The following FBN1 variants were observed in gnomAD, a reference collection of about 807,000 sequenced individuals.
FBN1 encodes the protein fibrillin 1.
In FBN1, 29 loss-of-function variants were observed where a neutral mutation model predicts 365.1. That is an observed-to-expected ratio of 0.08 (90% CI 0.06 to 0.11). FBN1 has a LOEUF of 0.11. Ranked by LOEUF, FBN1 falls within the 10% of genes least tolerant of loss-of-function variation. The pLI is 1.00. For missense variants in FBN1, 2,476 were observed against 3,703.2 expected, an observed-to-expected ratio of 0.67 and a Z score of 8.60; for synonymous variants, 1,210 against 1,270.5, an observed-to-expected ratio of 0.95 and a Z score of 1.01.
chr15:48,492,657 G>T, intron 23 of FBN1, 71 bp from the exon 24 acceptor site: 1 of 1,211,044 alleles, frequency 8.3e-7, no homozygotes, highest in Non-Finnish European at 1.2e-6. Context: ...TACTCATAGA[G>T]TCATAATTAT....
chr15:48,604,288 A>G (rs925141867), intron 4 of FBN1, among the ~76,000 whole-genome samples: 1 of 152,202 alleles, frequency 6.6e-6, no homozygotes, highest in Admixed American at 6.5e-5. Context: ...CAATTTGCAC[A>G]TAAGCATTTG....
chr15:48,464,880 ACT>A (rs1203497906), intron 40 of FBN1, among the ~76,000 whole-genome samples: 1 of 152,298 alleles, frequency 6.6e-6, no homozygotes. Flanking sequence ...TGCCATATAC[ACT>A]GTGATGTTCA....
At chr15:48,422,598 T>G (rs978511966) in intron 60 of FBN1, among the ~76,000 whole-genome samples, 1 of 152,184 alleles carries the variant, frequency 6.6e-6, no homozygotes, top group African/African-American at 2.4e-5. Flanking sequence ...TAAACCAAAA[T>G]TGAGCAATCA....
chr15:48,504,929 T>G, intron 16 of FBN1, 96 bp downstream of exon 16: 1 of 1,502,490 alleles, frequency 6.7e-7, no homozygotes, highest in South Asian at 1.1e-5. Flanking sequence ...TCTTTATATC[T>G]TATCTGCTAC....
chr15:48,644,071 C>CA (rs1319972422), intron 2 of FBN1: 2 of 160,276 alleles, frequency 1.2e-5, no homozygotes, highest in African/African-American at 4.8e-5. Context: ...GTTCTGCTTC[C>CA]AATGTAGACA....
intron 55 of FBN1, 124 bp downstream of exon 55, chr15:48,432,736 ACCCCCG>A: frequency 8.3e-7 from 1 of 1,211,260 alleles, no homozygotes; most frequent in African/African-American, 1.5e-5. Flanking sequence ...GGCAGTGACA[ACCCCCG>A]TATTGTCCAC....
intron 45 of FBN1, among the ~76,000 whole-genome samples, chr15:48,451,472 C>A (rs574286875): frequency 1.3e-5 from 2 of 152,120 alleles, no homozygotes; most frequent in Non-Finnish European, 2.9e-5. Flanking sequence ...ATTCTCAATG[C>A]GATTTTTTTG....
At chr15:48,623,094 G>A (rs1186944083) in intron 2 of FBN1, among the ~76,000 whole-genome samples, 2 of 152,064 alleles carry the variant, frequency 1.3e-5, no homozygotes, top group Non-Finnish European at 2.9e-5. Flanking sequence ...TTCAGGCACA[G>A]AAACAATGTC....
chr15:48,554,746 C>G (rs2044166937), intron 6 of FBN1, among the ~76,000 whole-genome samples: 1 of 152,160 alleles, frequency 6.6e-6, no homozygotes, highest in African/African-American at 2.4e-5. Context: ...AAGCTACATA[C>G]ACACATACAC....
At chr15:48,603,564 AT>A (rs1388645541) in intron 4 of FBN1, among the ~76,000 whole-genome samples, 1 of 152,252 alleles carries the variant, frequency 6.6e-6, no homozygotes, top group East Asian at 1.9e-4. Flanking sequence ...ATTGATGCAT[AT>A]TCTAAATTTA....
At chr15:48,418,941 T>A (rs1000185354) in intron 63 of FBN1, among the ~76,000 whole-genome samples, 4 of 152,128 alleles carry the variant, frequency 2.6e-5, no homozygotes, top group Non-Finnish European at 4.4e-5. Flanking sequence ...ACTCTATCTA[T>A]CTGCAAGCTG....
Position 48,412,653 on chromosome 15 carries a change from A to G in FBN1, c.8142T>C (p.Ala2714=). The G allele has an allele frequency of 6.2e-7, 1 of 1,614,262 alleles. No homozygotes were observed. Among genetic ancestry groups the G allele is most frequent in the Non-Finnish European group, 8.5e-7 (1 of 1,180,034 alleles). The change falls in exon 65 of 66, where the codon GCT becomes GCC. Residue 2714 remains alanine, a synonymous_variant. Transcript: ENST00000316623. Reference sequence around the variant, plus strand: ...AGCCATTGATCTTACACTCGTAACAAGCCTCTGGGGAGAGTGAATTGTCAT... The same window carrying G: ...AGCCATTGATCTTACACTCGTAACAGGCCTCTGGGGAGAGTGAATTGTCAT... The part of the protein sequence containing the change: ...EMDDNSLSPE[A]CYECKINGYP...
At chr15:48,464,118 A>G (rs2043302049) in intron 40 of FBN1, 97 bp from the exon 41 acceptor site, 2 of 1,174,296 alleles carry the variant, frequency 1.7e-6, no homozygotes, top group Admixed American at 3.7e-5. Context: ...GAGAAAATCT[A>G]TAGGGTATTT....
At chr15:48,630,519 G>C (rs1889964373) in intron 2 of FBN1, among the ~76,000 whole-genome samples, 1 of 152,154 alleles carries the variant, frequency 6.6e-6, no homozygotes, top group South Asian at 2.1e-4. Flanking sequence ...GATTAAGTTA[G>C]AACTGCTTAC....
intron 43 of FBN1, among the ~76,000 whole-genome samples, chr15:48,457,559 C>T (rs2043250819): frequency 6.6e-6 from 1 of 152,164 alleles, no homozygotes; most frequent in African/African-American, 2.4e-5. Context: ...TTGGACACCT[C>T]ACCAGCTTGG....
chr15:48,444,445 A>G, intron 49 of FBN1, 96 bp downstream of exon 49: 2 of 1,426,766 alleles, frequency 1.4e-6, no homozygotes, highest in Non-Finnish European at 2.0e-6. Context: ...CTGATAAAGT[A>G]TTCCAAAATG....
chr15:48,571,021 G>C (rs566564952), intron 6 of FBN1, among the ~76,000 whole-genome samples: 1 of 152,320 alleles, frequency 6.6e-6, no homozygotes, highest in African/African-American at 2.4e-5. Context: ...CCAGAGAAAG[G>C]CCAAAGATCT....
chr15:48,489,197 G>C (rs900159550), intron 25 of FBN1, among the ~76,000 whole-genome samples: 1 of 123,240 alleles, frequency 8.1e-6, no homozygotes, highest in East Asian at 3.0e-4. Flanking sequence ...ACCATGCCTA[G>C]ATATTTTTTT....
At chr15:48,461,078 A>T (rs1320271576) in intron 42 of FBN1, among the ~76,000 whole-genome samples, 1 of 152,168 alleles carries the variant, frequency 6.6e-6, no homozygotes, top group African/African-American at 2.4e-5. Context: ...AATCAGTAAA[A>T]GATTTCTGGA....
Sources: gnomAD v4.1 joint callset for allele counts (sites outside exome capture counted in the v4.1 genomes callset) on GRCh38, gnomAD v4.1.1 for gene constraint, MANE v1.5 for transcripts, NCBI Gene and HGNC (gene_info 2026-07-23, HGNC 2026-07-21) for gene names.